DNAH11: variants seen among roughly 807,000 people sequenced by gnomAD.
The protein encoded by DNAH11 is axonemal beta dynein heavy chain 11.
A neutral mutation model predicts 526.0 loss-of-function variants in DNAH11; 442 were observed. The ratio of observed to expected loss-of-function variants is 0.84; its 90% confidence interval spans 0.78 to 0.91. DNAH11 has a LOEUF of 0.91. Among genes scored for constraint, DNAH11 ranks in the 40% least tolerant of loss-of-function variants. The pLI, the probability that DNAH11 is intolerant of heterozygous loss-of-function variation, is 0.00. For missense variants in DNAH11, 6,989 were observed against 5,448.7 expected (o/e 1.28, Z -8.90); for synonymous variants, 2,461 against 1,935.9 (o/e 1.27, Z -7.12).
chr7:21,829,366 C>G (rs1790450040), intron 65 of DNAH11, among the ~76,000 whole-genome samples: 2 of 152,068 alleles, frequency 1.3e-5, no homozygotes, highest in African/African-American at 4.8e-5. Flanking sequence ...TGTTGGCTAT[C>G]TGAATTGTCC....
At chr7:21,835,740 A>C (rs984659398) in intron 65 of DNAH11, among the ~76,000 whole-genome samples, 1 of 152,096 alleles carries the variant, frequency 6.6e-6, no homozygotes, top group East Asian at 1.9e-4. Flanking sequence ...TATTCAGCAC[A>C]ATACTGGAAG....
intron 61 of DNAH11, among the ~76,000 whole-genome samples, chr7:21,798,847 T>G (rs577454136): frequency 1.3e-5 from 2 of 152,228 alleles, no homozygotes; most frequent in East Asian, 3.9e-4. Context: ...CATTTTTAAT[T>G]ATTTTTGTTT....
chr7:21,712,969 T>A (rs1483108899), intron 42 of DNAH11, among the ~76,000 whole-genome samples: 1 of 152,294 alleles, frequency 6.6e-6, no homozygotes, highest in East Asian at 1.9e-4. Flanking sequence ...TGAAAGCTTA[T>A]ATGGAACACT....
In DNAH11 at chr7:21,704,589, G is replaced by A. The variant is rs1692614622; in HGVS notation, c.6429G>A (p.Leu2143=). 3.1e-6 allele frequency: 5 copies of A among 1,611,218 alleles called. No homozygotes were observed. Among genetic ancestry groups the A allele is most frequent in the Non-Finnish European group, 3.4e-6 (4 of 1,179,042 alleles). The change falls in exon 38 of 82, where the codon CTG becomes CTA. Residue 2143 remains leucine, a synonymous_variant. Transcript: ENST00000409508. ...HFEQMVRQST[L]ELRLQPEESF... ...AACAGATGGTCAGGCAGTCTACCCT[G>A]GAGCTCCGCCTGCAGCCTGAAGAGA...
chr7:21,802,948 A>AT (rs1554282778), intron 62 of DNAH11, among the ~76,000 whole-genome samples: 3 of 146,150 alleles, frequency 2.1e-5, no homozygotes, highest in East Asian at 1.9e-4. Context: ...ATATATATAT[A>AT]ATATATATAT....
chr7:21,866,647 A>G lies in DNAH11; in HGVS notation c.11674A>G (p.Met3892Val), dbSNP rs72658813. The G allele has an allele frequency of 3.1e-6, 5 of 1,613,010 alleles. No homozygotes were observed. Among genetic ancestry groups the G allele is most frequent in the Admixed American group, 1.7e-5 (1 of 59,914 alleles). Residue 3892 changes from methionine (M) to valine (V), a missense_variant, in exon 71 of 82, where the codon ATG becomes GTG. By Grantham distance (21) the Met-to-Val change is conservative. Coordinates refer to ENST00000409508, the MANE Select transcript of DNAH11 (RefSeq NM_001277115.2). Reference protein sequence around the residue: ...ILLRAMRPDRMTYALRNFVEE... With the variant: ...ILLRAMRPDRVTYALRNFVEE... The stretch of plus-strand genomic sequence containing the variant: ...TCTGAGAGCAATGCGCCCTGACAGA[A>G]TGACGTATGCTCTCAGGTGGGGTGG...
At chr7:21,567,911 C>T (rs1029215966) in intron 6 of DNAH11, among the ~76,000 whole-genome samples, 1 of 152,162 alleles carries the variant, frequency 6.6e-6, no homozygotes, top group Admixed American at 6.6e-5. Flanking sequence ...CCTGACACTA[C>T]TCCATGGTCC....
chr7:21,565,844 C>T (rs1783644934), intron 6 of DNAH11, among the ~76,000 whole-genome samples: 1 of 152,190 alleles, frequency 6.6e-6, no homozygotes, highest in South Asian at 2.1e-4. Flanking sequence ...GACTTACAGG[C>T]TAGTTGCAGC....
Position 21,619,085 on chromosome 7 carries a change from T to G in DNAH11, c.4255-15T>G, listed in dbSNP as rs750421411. ...TATGTGGAATATAAAGTCTAACTTT[T>G]TTTCCCCCAATCAGGTCAAGTTTTT... On this transcript the variant is annotated splice_polypyrimidine_tract_variant and intron_variant, in intron 23 of 81. Transcript: ENST00000409508. The G allele has an allele frequency of 8.1e-6, 13 of 1,613,228 alleles. No individual in the cohort carries two copies. In the Admixed American group the frequency reaches 1.2e-4, roughly 14 times the overall value.
chr7:21,579,669 T>C (rs955669578), intron 8 of DNAH11, among the ~76,000 whole-genome samples: 2 of 152,212 alleles, frequency 1.3e-5, no homozygotes, highest in African/African-American at 4.8e-5. Flanking sequence ...TAGGGTCTTA[T>C]GCAGTAGATT....
chr7:21,901,024 C>G lies in DNAH11; in HGVS notation c.13321C>G (p.Gln4441Glu), dbSNP rs1261703349. The change falls in exon 82 of 82, where the codon CAA becomes GAA. Residue 4441 changes from glutamine to glutamate, a missense_variant. Coordinates refer to ENST00000409508, the MANE Select transcript of DNAH11 (RefSeq NM_001277115.2). ...LFMEGARWDT[Q>E]AGTIVEARLK... ...TGCCATAGGCGCCCGCTGGGACACC[C>G]AAGCAGGAACCATTGTTGAAGCCCG... The G allele has an allele frequency of 1.2e-6, 2 of 1,606,166 alleles. No homozygotes were observed. Among genetic ancestry groups the G allele is most frequent in the Admixed American group, 1.7e-5 (1 of 58,744 alleles).
intron 30 of DNAH11, among the ~76,000 whole-genome samples, chr7:21,667,373 C>T (rs1488923199): frequency 6.6e-6 from 1 of 152,094 alleles, no homozygotes; most frequent in Non-Finnish European, 1.5e-5. Flanking sequence ...CATATAGTCT[C>T]TTCTGCATGC....
chr7:21,583,845 C>T (rs965119667), intron 9 of DNAH11, among the ~76,000 whole-genome samples: 10 of 152,168 alleles, frequency 6.6e-5, no homozygotes, highest in Admixed American at 2.0e-4. Flanking sequence ...CATCACTGGT[C>T]ATTAGAGAAA....
intron 66 of DNAH11, among the ~76,000 whole-genome samples, chr7:21,844,003 A>T (rs1012249731): frequency 6.6e-6 from 1 of 152,342 alleles, no homozygotes; most frequent in East Asian, 1.9e-4. Flanking sequence ...GAACAACATT[A>T]TTCATATTTT....
chr7:21,647,527 T>A (rs1486679004), intron 28 of DNAH11, among the ~76,000 whole-genome samples: 1 of 150,994 alleles, frequency 6.6e-6, no homozygotes, highest in Non-Finnish European at 1.5e-5. Context: ...CCTCCCAGGT[T>A]CACGCCATTC....
intron 54 of DNAH11, among the ~76,000 whole-genome samples, chr7:21,756,799 A>T (rs930917785): frequency 2.6e-5 from 4 of 152,156 alleles, no homozygotes; most frequent in African/African-American, 7.2e-5. Flanking sequence ...AATTATTAGA[A>T]TCGCCTAAAA....
rs1490339587 is a variant in DNAH11, at chr7:21,852,859, T to A, written c.11061+228T>A. ...GAGATGTCATTCAAATTAGACACTG[T>A]CCGGCTATTATTTTTCCTGGGTGAC... On this transcript the variant is annotated intron_variant, in intron 67 of 81. Transcript: ENST00000409508. 2.6e-5 allele frequency among the ~76,000 whole-genome samples: 4 copies of A among 152,210 alleles called. No homozygotes were observed. In the East Asian group the frequency reaches 7.7e-4, roughly 29 times the overall value.
chr7:21,901,337 ATTCTAACTT>A lies in DNAH11; in HGVS notation c.*86_*94del. ...TTGCTGCACTGTTCCCATGCACATTATTCTAACTTTTTAGTAACTCACACGTGCATTCTT... is the reference window on the plus strand; with the variant it reads ...TTGCTGCACTGTTCCCATGCACATTATTTAGTAACTCACACGTGCATTCTT... On this transcript the variant is annotated 3_prime_UTR_variant, in exon 82 of 82. Transcript: ENST00000409508. 7.1e-7 allele frequency: 1 copy of A among 1,411,270 alleles called. No individual in the cohort carries two copies. The highest frequency in any genetic ancestry group is 2.5e-5 in the East Asian group (1 of 40,792). The allele number at this position is 1,411,270 out of a possible 1,614,324, so 87.4% of individuals were successfully genotyped here. A position where few individuals can be genotyped will look rare whatever the true frequency, so the allele number is the denominator to read the frequency against.
At chr7:21,590,676 T>G (rs1784639436) in intron 12 of DNAH11, among the ~76,000 whole-genome samples, 1 of 152,216 alleles carries the variant, frequency 6.6e-6, no homozygotes, top group African/African-American at 2.4e-5. Flanking sequence ...CTTTCTGATT[T>G]CATAAAACCA....
Sources: allele counts gnomAD v4.1 joint callset (sites outside exome capture counted in the v4.1 genomes callset), GRCh38; gene constraint gnomAD v4.1.1; transcripts MANE v1.5; gene names NCBI Gene and HGNC (gene_info 2026-07-23, HGNC 2026-07-21).